BCOR: variants seen among roughly 807,000 people sequenced by gnomAD.
BCOR encodes the protein BCL6 corepressor, also known as BCL-6 corepressor.
In BCOR, 10 loss-of-function variants were observed where a neutral mutation model predicts 86.7. That is an observed-to-expected ratio of 0.12 (90% CI 0.07 to 0.20). BCOR has a LOEUF of 0.20. Ranked by LOEUF, BCOR falls within the 10% of genes least tolerant of loss-of-function variation. The pLI, the probability that BCOR is intolerant of heterozygous loss-of-function variation, is 1.00. For missense variants in BCOR, 1,259 were observed against 1,452.1 expected (o/e 0.87, Z 2.16); for synonymous variants, 611 against 609.0 (o/e 1.00, Z -0.05).
At chrX:40,061,769 A>G (rs1163715722) in intron 10 of BCOR, among the ~76,000 whole-genome samples, 1 of 107,107 alleles carries the variant, frequency 9.3e-6, no homozygotes, top group African/African-American at 3.4e-5. Flanking sequence ...GATAGAGCTA[A>G]TAACTTCTCT....
At chrX:40,106,355 G>GGGGGCGCGGGCTC (rs1937184467) in intron 1 of BCOR, among the ~76,000 whole-genome samples, 1 of 112,490 alleles carries the variant, frequency 8.9e-6, no homozygotes, top group African/African-American at 3.2e-5. Context: ...CCGGCGGGCG[G>GGGGGCGCGGGCTC]GGGGCGCGGG....
At chrX:40,091,760 T>C (rs936212031) in intron 1 of BCOR, among the ~76,000 whole-genome samples, 1 of 112,404 alleles carries the variant, frequency 8.9e-6, no homozygotes, top group Non-Finnish European at 1.9e-5. Context: ...CCCCGGCGGC[T>C]TCTCCTGGCT....
chrX:40,110,649 T>C (rs1367338499), intron 1 of BCOR, among the ~76,000 whole-genome samples: 45 of 93,784 alleles, frequency 4.8e-4, no homozygotes, highest in African/African-American at 9.7e-4. Flanking sequence ...CTTTTCTTTT[T>C]TTTCTTTTTT....
chrX:40,063,079 C>A lies in BCOR; in HGVS notation c.3848-8G>T. ...CGGAGAACACAGGCAAGCCTAAATACGGAGGGGGTGACGGGGTGGCGGGCG... is the reference window on the plus strand; with the variant it reads ...CGGAGAACACAGGCAAGCCTAAATAAGGAGGGGGTGACGGGGTGGCGGGCG... On this transcript the variant is annotated splice_region_variant and splice_polypyrimidine_tract_variant and intron_variant, in intron 8 of 14. Coordinates refer to ENST00000378444, the MANE Select transcript of BCOR (RefSeq NM_001123385.2). 6.0e-6 allele frequency: 4 copies of A among 668,836 alleles called. No homozygotes were observed. The highest frequency in any genetic ancestry group is 5.6e-6 in the Non-Finnish European group (3 of 531,147). The allele number at this position is 668,836 out of a possible 1,213,427, so 55.1% of individuals were successfully genotyped here. A position where few individuals can be genotyped will look rare whatever the true frequency, so the allele number is the denominator to read the frequency against.
At position 40,062,122 on chromosome X, in the gene BCOR, C is replaced by T. The variant is rs777761317; in HGVS notation, c.4428+17G>A. On this transcript the variant is annotated intron_variant, in intron 10 of 14. Transcript: ENST00000378444. ...CCCCCCAGCCTGCAGCCCCAGGGAG[C>T]GCCCACAGGGACACACCTCATAGCC... The T allele has an allele frequency of 9.2e-6, 11 of 1,190,256 alleles. No homozygotes were observed. The highest frequency in any genetic ancestry group is 1.8e-5 in the African/African-American group (1 of 56,535).
chrX:40,173,107 G>A (rs1191544236), intron 1 of BCOR, among the ~76,000 whole-genome samples: 1 of 111,874 alleles, frequency 8.9e-6, no homozygotes, highest in Non-Finnish European at 1.9e-5. Context: ...GAAGGTTGGG[G>A]TCCAGGCAGT....
intron 14 of BCOR, among the ~76,000 whole-genome samples, chrX:40,053,646 G>A (rs767510456): frequency 2.5e-4 from 28 of 111,729 alleles, no homozygotes; most frequent in African/African-American, 9.1e-4. Context: ...AGTGACTTAA[G>A]CCTTGGTGTT....
At position 40,074,538 on chromosome X, in the gene BCOR, G is replaced by A. The variant is rs975085731; in HGVS notation, c.808C>T (p.Pro270Ser). Residue 270 changes from proline (P) to serine (S), a missense_variant, in exon 4 of 15, where the codon CCT becomes TCT. Pro to Ser is a moderately conservative substitution (Grantham distance 74). Coordinates refer to ENST00000378444, the MANE Select transcript of BCOR (RefSeq NM_001123385.2). ...SLASPMRLST[P>S]SASPAIPPLV... ...GGCGGGATGGCTGGGGAGGCCGAAGGTGTCGAGAGCCTCATGGGTGATGCC... is the reference window on the plus strand; with the variant it reads ...GGCGGGATGGCTGGGGAGGCCGAAGATGTCGAGAGCCTCATGGGTGATGCC... 1 of 1,208,386 alleles carries A rather than the reference G, an allele frequency of 8.3e-7. No homozygotes were observed. Among genetic ancestry groups the A allele is most frequent in the African/African-American group, 1.7e-5 (1 of 57,432 alleles).
At chrX:40,151,157 G>A (rs1232134235) in intron 1 of BCOR, among the ~76,000 whole-genome samples, 1 of 112,061 alleles carries the variant, frequency 8.9e-6, no homozygotes, top group Admixed American at 9.4e-5. Context: ...GACCCACCAG[G>A]TACTCCAAAC....
intron 1 of BCOR, among the ~76,000 whole-genome samples, chrX:40,133,574 C>T (rs1034850145): frequency 1.8e-5 from 2 of 111,353 alleles, no homozygotes; most frequent in Admixed American, 1.9e-4. Flanking sequence ...ATTCTCTTGC[C>T]TCAGCCTGCC....
intron 1 of BCOR, among the ~76,000 whole-genome samples, chrX:40,146,044 G>A (rs1478291437): frequency 8.9e-6 from 1 of 112,174 alleles, no homozygotes; most frequent in Admixed American, 9.3e-5. Context: ...GGACCTAAGG[G>A]GAAGCGTAGG....
chrX:40,132,058 T>C (rs1937608564), intron 1 of BCOR, among the ~76,000 whole-genome samples: 3 of 111,885 alleles, frequency 2.7e-5, no homozygotes. Flanking sequence ...TTTGGGGCAC[T>C]TGCTCTGAGA....
Position 40,052,012 on chromosome X carries a change from T to G in BCOR, c.*97A>C, listed in dbSNP as rs1934319510. On this transcript the variant is annotated 3_prime_UTR_variant, in exon 15 of 15. Coordinates refer to ENST00000378444, the MANE Select transcript of BCOR (RefSeq NM_001123385.2). ...TATATAAAGAAGAGATATTTTCATA[T>G]GTAATAGTGTCCTTTCTTTACAGAA... 1.3e-6 allele frequency: 1 copy of G among 783,098 alleles called. No homozygotes were observed. Among genetic ancestry groups the G allele is most frequent in the African/African-American group, 2.1e-5 (1 of 47,356 alleles). 64.5% of individuals were successfully genotyped at this position (783,098 alleles called of 1,213,427 possible). A position where few individuals can be genotyped will look rare whatever the true frequency, so the allele number is the denominator to read the frequency against.
intron 1 of BCOR, among the ~76,000 whole-genome samples, chrX:40,132,929 G>A (rs1377279347): frequency 2.7e-5 from 3 of 111,830 alleles, no homozygotes; most frequent in Non-Finnish European, 5.6e-5. Context: ...AGTATTTTCA[G>A]GCGTGGGGCC....
intron 10 of BCOR, among the ~76,000 whole-genome samples, chrX:40,058,227 C>T (rs1602113450): frequency 8.9e-6 from 1 of 112,147 alleles, no homozygotes; most frequent in Non-Finnish European, 1.9e-5. Flanking sequence ...TAAAATGAAC[C>T]GCTCCCAGTA....
chrX:40,140,462 C>T (rs1937897714), intron 1 of BCOR, among the ~76,000 whole-genome samples: 1 of 111,069 alleles, frequency 9.0e-6, no homozygotes, highest in African/African-American at 3.3e-5. Context: ...ATGGAGACCC[C>T]ATTTAAAACA....
intron 1 of BCOR, among the ~76,000 whole-genome samples, chrX:40,168,948 C>G (rs1938563037): frequency 8.9e-6 from 1 of 112,449 alleles, no homozygotes; most frequent in Non-Finnish European, 1.9e-5. Context: ...CGGCGCAGGG[C>G]GAAGCTGCGC....
chrX:40,075,002 G>A lies in BCOR; in HGVS notation c.344C>T (p.Ser115Phe). ...ATSTLGGLGF[S>F]SERNPEMQFK... is the part of the protein sequence containing the mutation. ...CTGCATCTCTGGATTTCTTTCCGAA[G>A]AAAACCCAAGGCCACCTAGAGTGCT... The change falls in exon 4 of 15, where the codon TCT becomes TTT. Residue 115 changes from serine to phenylalanine, a missense_variant. Around this residue, in one of 7 missense-constraint regions of BCOR, gnomAD observed 174 missense variants for 189.3 expected, o/e 0.92. Coordinates refer to ENST00000378444, the MANE Select transcript of BCOR (RefSeq NM_001123385.2). 8.3e-7 allele frequency: 1 copy of A among 1,209,080 alleles called. No individual in the cohort carries two copies. The highest frequency in any genetic ancestry group is 1.1e-6 in the Non-Finnish European group (1 of 894,077).
chrX:40,081,398 C>T (rs1936102780), intron 1 of BCOR, among the ~76,000 whole-genome samples: 1 of 112,178 alleles, frequency 8.9e-6, no homozygotes, highest in Admixed American at 9.4e-5. Context: ...AGTATAGGGA[C>T]ATCAAACTTC....
Sources: gnomAD v4.1 joint callset for allele counts (sites outside exome capture counted in the v4.1 genomes callset) on GRCh38, gnomAD v4.1.1 for gene constraint, gnomAD v4.1.1 regional missense constraint, MANE v1.5 for transcripts, NCBI Gene and HGNC (gene_info 2026-07-23, HGNC 2026-07-21) for gene names.